ELMO1: variants seen among roughly 807,000 people sequenced by gnomAD.
ELMO1 encodes the protein engulfment and cell motility 1, also known as engulfment and cell motility protein 1.
Under a neutral mutation model 98.9 loss-of-function variants are expected in ELMO1, and 26 were observed. That is an observed-to-expected ratio of 0.26 (90% CI 0.19 to 0.36). The LOEUF (loss-of-function observed/expected upper bound fraction) is 0.36, where lower values mean the gene tolerates loss of function less well. ELMO1 is among the 10% of genes least tolerant of loss of function. ELMO1 has a pLI of 1.00. For synonymous variants in ELMO1, 346 were observed against 346.0 expected (o/e 1.00, Z 0.00); for missense variants, 627 against 935.2 (o/e 0.67, Z 4.30).
chr7:36,951,309 G>C (rs1258185899), intron 16 of ELMO1, among the ~76,000 whole-genome samples: 1 of 152,216 alleles, frequency 6.6e-6, no homozygotes, highest in Non-Finnish European at 1.5e-5. Context: ...TGGTCTGCAA[G>C]AGCCTATCTG....
In ELMO1 at chr7:37,006,076, C is replaced by A. The variant is rs114638215; in HGVS notation, c.1437+7223G>T. Among the ~76,000 whole-genome samples the A allele has an allele frequency of 5.4e-3, 824 of 152,332 alleles. 12 individuals are homozygous for A. Among genetic ancestry groups the A allele is most frequent in the African/African-American group, 0.019 (791 of 41,574 alleles). ...TGGCATTTTTATGTACTGTCCCCAGCCCCCTGCCTCACCTGCAGTACATCT... is the reference window on the plus strand; with the variant it reads ...TGGCATTTTTATGTACTGTCCCCAGACCCCTGCCTCACCTGCAGTACATCT... On this transcript the variant is annotated intron_variant, in intron 16 of 21. Coordinates refer to ENST00000310758, the MANE Select transcript of ELMO1 (RefSeq NM_014800.11).
At chr7:36,938,451 G>A (rs995177380) in intron 16 of ELMO1, among the ~76,000 whole-genome samples, 32 of 152,160 alleles carry the variant, frequency 2.1e-4, no homozygotes, top group African/African-American at 7.7e-4. Context: ...ACTGAAACTG[G>A]AAATCACAGA....
intron 14 of ELMO1, among the ~76,000 whole-genome samples, chr7:37,100,712 C>T (rs1216265179): frequency 6.6e-6 from 1 of 152,226 alleles, no homozygotes; most frequent in African/African-American, 2.4e-5. Context: ...TTCCATTTCA[C>T]TTTGACTTAA....
chr7:37,369,276 G>C (rs114809017), intron 1 of ELMO1, among the ~76,000 whole-genome samples: 1,538 of 152,208 alleles, frequency 0.01, 35 homozygotes, highest in African/African-American at 0.036. Context: ...AAGTGTTTCA[G>C]ATTTCAGATT....
intron 16 of ELMO1, among the ~76,000 whole-genome samples, chr7:37,010,487 A>G (rs1024806561): frequency 1.9e-4 from 29 of 152,228 alleles, no homozygotes; most frequent in African/African-American, 7.0e-4. Flanking sequence ...AAGGTGGAAG[A>G]CCAAGGCAGA....
intron 16 of ELMO1, among the ~76,000 whole-genome samples, chr7:36,950,207 G>A (rs562000640): frequency 6.6e-6 from 1 of 152,316 alleles, no homozygotes; most frequent in East Asian, 1.9e-4. Context: ...AGCGACTCCT[G>A]ACTGGGTGGA....
intron 20 of ELMO1, among the ~76,000 whole-genome samples, chr7:36,865,456 C>A: frequency 6.6e-6 from 1 of 152,196 alleles, no homozygotes; most frequent in African/African-American, 2.4e-5. Context: ...AACTCTCCAG[C>A]CCCAATCTAT....
chr7:37,136,574 C>T (rs1787277895), intron 13 of ELMO1, among the ~76,000 whole-genome samples: 2 of 152,156 alleles, frequency 1.3e-5, no homozygotes, highest in African/African-American at 2.4e-5. Flanking sequence ...TATTTTTAGC[C>T]TCCTTCAACA....
At chr7:36,938,020 AG>A (rs1786696991) in intron 16 of ELMO1, among the ~76,000 whole-genome samples, 1 of 152,226 alleles carries the variant, frequency 6.6e-6, no homozygotes, top group Non-Finnish European at 1.5e-5. Context: ...TCCTCTTAAA[AG>A]ACGGCCACCA....
chr7:37,398,223 G>A (rs1215200643), intron 1 of ELMO1, among the ~76,000 whole-genome samples: 6 of 152,254 alleles, frequency 3.9e-5, no homozygotes, highest in African/African-American at 1.4e-4. Context: ...ACTGTTGTGA[G>A]AATTAAAAGA....
intron 16 of ELMO1, among the ~76,000 whole-genome samples, chr7:36,990,859 T>C (rs184237592): frequency 1.3e-5 from 2 of 152,316 alleles, no homozygotes; most frequent in East Asian, 3.9e-4. Context: ...GCTGTCCAAA[T>C]TCTCCTTAGT....
At chr7:37,066,931 GC>G (rs761317334) in intron 15 of ELMO1, among the ~76,000 whole-genome samples, 84 of 152,264 alleles carry the variant, frequency 5.5e-4, no homozygotes, top group Non-Finnish European at 9.0e-4. Context: ...ACCCAGCTAA[GC>G]AAAACTAGTG....
At chr7:37,211,658 A>G in intron 12 of ELMO1, 141 bp from the exon 13 acceptor site, 1 of 1,186,580 alleles carries the variant, frequency 8.4e-7, no homozygotes, top group South Asian at 1.6e-5. Context: ...AAGAGAACCA[A>G]TGTTCTAAGT....
intron 14 of ELMO1, among the ~76,000 whole-genome samples, chr7:37,119,253 AACAG>A (rs751292329): frequency 6.6e-6 from 1 of 152,232 alleles, no homozygotes; most frequent in Non-Finnish European, 1.5e-5. Flanking sequence ...TGAGGAGAAG[AACAG>A]AGAGATCTAC....
At chr7:37,331,269 A>G (rs886229766) in intron 2 of ELMO1, among the ~76,000 whole-genome samples, 2 of 149,072 alleles carry the variant, frequency 1.3e-5, no homozygotes, top group Non-Finnish European at 3.0e-5. Context: ...TCCCGGGTTC[A>G]CACCATTCTC....
intron 15 of ELMO1, among the ~76,000 whole-genome samples, chr7:37,067,787 TA>T (rs939858295): frequency 2.6e-5 from 4 of 151,208 alleles, no homozygotes; most frequent in East Asian, 1.9e-4. Context: ...CATAAAGGTT[TA>T]AAAAAAAAGC....
At chr7:37,413,143 T>TC (rs1804063876) in intron 1 of ELMO1, among the ~76,000 whole-genome samples, 2 of 152,158 alleles carry the variant, frequency 1.3e-5, no homozygotes, top group Admixed American at 6.5e-5. Context: ...TTTTTTGTTT[T>TC]TTTTAATTTT....
At chr7:37,133,801 T>C (rs565928883) in intron 13 of ELMO1, among the ~76,000 whole-genome samples, 1 of 152,288 alleles carries the variant, frequency 6.6e-6, no homozygotes, top group Admixed American at 6.5e-5. Context: ...TCCTGACATC[T>C]GCCTGCTCTC....
intron 1 of ELMO1, among the ~76,000 whole-genome samples, chr7:37,402,820 A>AAATC: frequency 6.6e-6 from 1 of 152,314 alleles, no homozygotes; most frequent in East Asian, 1.9e-4. Context: ...TCTGTTCCCA[A>AAATC]ACTACAGTCA....
Sources: allele counts gnomAD v4.1 joint callset (sites outside exome capture counted in the v4.1 genomes callset), GRCh38; gene constraint gnomAD v4.1.1; transcripts MANE v1.5; gene names NCBI Gene and HGNC (gene_info 2026-07-23, HGNC 2026-07-21).